The following KIAA1217 variants were observed in gnomAD, a reference collection of about 807,000 sequenced individuals.
KIAA1217 encodes the protein KIAA1217, also known as sickle tail protein homolog.
Under a neutral mutation model 163.9 loss-of-function variants are expected in KIAA1217, and 88 were observed. The observed-to-expected ratio is 0.54, with a 90% confidence interval of 0.45 to 0.64. The LOEUF (loss-of-function observed/expected upper bound fraction) is 0.64. KIAA1217 is among the 30% of genes least tolerant of loss of function. The pLI is 0.00. For missense variants in KIAA1217, 2,372 were observed against 2,475.0 expected, an observed-to-expected ratio of 0.96 and a Z score of 0.88; for synonymous variants, 903 against 923.1, an observed-to-expected ratio of 0.98 and a Z score of 0.39.
At chr10:24,464,918 C>T (rs2062785915) in intron 5 of KIAA1217, among the ~76,000 whole-genome samples, 1 of 152,142 alleles carries the variant, frequency 6.6e-6, no homozygotes, top group Admixed American at 6.5e-5. Flanking sequence ...GTCACTGGGA[C>T]AAGCAACCCT....
rs2134708528 is a variant in KIAA1217 at position 24,524,516 on chromosome 10, G to T, written c.2650G>T (p.Val884Phe). The change falls in exon 13 of 21, where the codon GTT (valine) becomes TTT (phenylalanine). Residue 884 changes from valine to phenylalanine, a missense_variant. Val to Phe is a conservative substitution (Grantham distance 50, BLOSUM62 -1). Coordinates refer to ENST00000376454, the MANE Select transcript of KIAA1217 (RefSeq NM_019590.5). Reference protein sequence around the residue: ...SEVVPLSGMMVRHAQSSPVVI... With the variant: ...SEVVPLSGMMFRHAQSSPVVI... ...AGTGGTGCCTTTGTCCGGCATGATGGTTCGCCACGCGCAGAGCTCCCCTGT... is the reference window on the plus strand; with the variant it reads ...AGTGGTGCCTTTGTCCGGCATGATGTTTCGCCACGCGCAGAGCTCCCCTGT... 6.2e-7 allele frequency: 1 copy of T among 1,614,106 alleles called. No homozygotes were observed. Among genetic ancestry groups the T allele is most frequent in the East Asian group, 2.2e-5 (1 of 44,866 alleles).
At position 24,219,607 on chromosome 10, in the gene KIAA1217, G is replaced by A. The variant is rs776383853; in HGVS notation, c.71-19G>A. The A allele has an allele frequency of 1.5e-5, 23 of 1,554,626 alleles. 1 individual carries two copies. Among genetic ancestry groups the A allele is most frequent in the East Asian group, 9.1e-5 (4 of 44,114 alleles). On this transcript the variant is annotated intron_variant, in intron 1 of 20. Coordinates refer to ENST00000376454, the MANE Select transcript of KIAA1217 (RefSeq NM_019590.5). ...AGTGTGAAATCATTAATTGTGAACCGAATTTTTTTGTCTTTCAGAACAAGG... is the reference window on the plus strand; with the variant it reads ...AGTGTGAAATCATTAATTGTGAACCAAATTTTTTTGTCTTTCAGAACAAGG...
At chr10:24,178,478 A>G (rs544318396) in intron 2 of KIAA1217, among the ~76,000 whole-genome samples, 21 of 152,310 alleles carry the variant, frequency 1.4e-4, no homozygotes, top group African/African-American at 4.3e-4. Flanking sequence ...ACTCAGGGTG[A>G]AATTCTGGAC....
At chr10:24,075,550 G>A (rs188977889) in intron 2 of KIAA1217, among the ~76,000 whole-genome samples, 2 of 151,014 alleles carry the variant, frequency 1.3e-5, no homozygotes, top group East Asian at 3.9e-4. Context: ...CCCTTCCATG[G>A]CTTCCCAAGT....
intron 1 of KIAA1217, among the ~76,000 whole-genome samples, chr10:23,976,528 T>G (rs1018135987): frequency 3.3e-5 from 5 of 152,160 alleles, no homozygotes; most frequent in African/African-American, 1.2e-4. Flanking sequence ...TCACATAATA[T>G]TTTGTATACA....
At chr10:24,137,417 G>A (rs572746029) in intron 2 of KIAA1217, among the ~76,000 whole-genome samples, 1 of 152,352 alleles carries the variant, frequency 6.6e-6, no homozygotes, top group African/African-American at 2.4e-5. Context: ...TTGGTGATCA[G>A]AGCAGAGATT....
intron 2 of KIAA1217, among the ~76,000 whole-genome samples, chr10:24,178,396 A>T (rs986214936): frequency 6.6e-6 from 1 of 152,242 alleles, no homozygotes; most frequent in Admixed American, 6.5e-5. Flanking sequence ...GAGTTGGGAT[A>T]CATCCATCTG....
At chr10:24,250,619 GTTAA>G (rs2074382261) in intron 2 of KIAA1217, among the ~76,000 whole-genome samples, 2 of 77,300 alleles carry the variant, frequency 2.6e-5, no homozygotes, top group Non-Finnish European at 4.5e-5. Flanking sequence ...TTTTTGTATT[GTTAA>G]TAGAGACGGA....
At chr10:24,395,277 C>A (rs1298941217) in intron 3 of KIAA1217, among the ~76,000 whole-genome samples, 2 of 152,170 alleles carry the variant, frequency 1.3e-5, no homozygotes, top group Admixed American at 1.3e-4. Flanking sequence ...CCACCTCTTT[C>A]CCCTGCTGGA....
chr10:24,473,955 G>A lies in KIAA1217; in HGVS notation c.1574G>A (p.Arg525Gln), dbSNP rs772585153. ...PGTLVYIEKPRSAAGLSSLVD... is the reference protein window; with the variant it reads ...PGTLVYIEKPQSAAGLSSLVD... ...ACCTTGGTGTATATAGAAAAGCCAC[G>A]GAGCGCTGCAGGATTATCCAGCCTT... The change falls in exon 6 of 21, where the codon CGG (arginine) becomes CAG (glutamine). Residue 525 changes from arginine to glutamine, a missense_variant. Around this residue, in one of 3 missense-constraint regions of KIAA1217, gnomAD observed 1,431 missense variants for 1,470.3 expected, o/e 0.97. Coordinates refer to ENST00000376454, the MANE Select transcript of KIAA1217 (RefSeq NM_019590.5). The A allele has an allele frequency of 4.1e-5, 66 of 1,614,006 alleles. 1 individual carries two copies. The highest frequency in any genetic ancestry group is 1.6e-4 in the South Asian group (15 of 91,074).
At chr10:24,537,230 T>G (rs1195843523) in intron 17 of KIAA1217, among the ~76,000 whole-genome samples, 1 of 152,158 alleles carries the variant, frequency 6.6e-6, no homozygotes, top group African/African-American at 2.4e-5. Flanking sequence ...TTTTTCTAAT[T>G]TGTAAGACCC....
chr10:24,185,570 G>A (rs1303665620), intron 2 of KIAA1217, among the ~76,000 whole-genome samples: 1 of 152,050 alleles, frequency 6.6e-6, no homozygotes, highest in African/African-American at 2.4e-5. Flanking sequence ...TGAGGTGGAC[G>A]GATTACTTGT....
chr10:24,440,543 G>A (rs1209893242), intron 5 of KIAA1217, among the ~76,000 whole-genome samples: 1 of 152,182 alleles, frequency 6.6e-6, no homozygotes, highest in Non-Finnish European at 1.5e-5. Context: ...GTAAGGACCA[G>A]CAGTGAGGAC....
At chr10:24,456,843 C>T (rs1012546456) in intron 5 of KIAA1217, among the ~76,000 whole-genome samples, 1 of 151,758 alleles carries the variant, frequency 6.6e-6, no homozygotes, top group Non-Finnish European at 1.5e-5. Context: ...GCTGGGATTA[C>T]AGGCACCTGC....
In KIAA1217 at chr10:24,425,110, G is replaced by A. The variant is rs543159397; in HGVS notation, c.554-7885G>A. 5.9e-5 allele frequency among the ~76,000 whole-genome samples: 9 copies of A among 152,298 alleles called. 1 individual carries two copies. The highest frequency in any genetic ancestry group is 2.0e-4 in the Admixed American group (3 of 15,296). On this transcript the variant is annotated intron_variant, in intron 3 of 20. Coordinates refer to ENST00000376454, the MANE Select transcript of KIAA1217 (RefSeq NM_019590.5). ...GGCTTCAAAAATTACCCAGTTAACT[G>A]AGTAGGATTCCTAACTGGCCAGTCC...
chr10:24,482,606 A>G (rs996137593), intron 6 of KIAA1217: 1 of 152,214 alleles, frequency 6.6e-6, no homozygotes, highest in Non-Finnish European at 1.5e-5. Context: ...GGCGGAAACC[A>G]TGGAGATTAC....
chr10:24,490,587 C>T (rs2065980586), intron 6 of KIAA1217, among the ~76,000 whole-genome samples: 3 of 152,182 alleles, frequency 2.0e-5, no homozygotes, highest in Admixed American at 2.0e-4. Flanking sequence ...CAATATGAAT[C>T]CTGAAACCAG....
chr10:23,911,216 C>A (rs1732656863), intron 1 of KIAA1217, among the ~76,000 whole-genome samples: 2 of 152,078 alleles, frequency 1.3e-5, no homozygotes, highest in Admixed American at 6.6e-5. Flanking sequence ...GTCACTGGGC[C>A]CCAAATTCAG....
At chr10:23,743,604 C>T (rs927527793) in intron 1 of KIAA1217, among the ~76,000 whole-genome samples, 1 of 152,180 alleles carries the variant, frequency 6.6e-6, no homozygotes, top group African/African-American at 2.4e-5. Context: ...AATTATGGAG[C>T]TCACACGCTG....
Sources: gnomAD v4.1 joint callset for allele counts (sites outside exome capture counted in the v4.1 genomes callset) on GRCh38, gnomAD v4.1.1 for gene constraint, gnomAD v4.1.1 regional missense constraint, MANE v1.5 for transcripts, NCBI Gene and HGNC (gene_info 2026-07-23, HGNC 2026-07-21) for gene names.